Variants in SRCIN1 observed in about 807,000 individuals in gnomAD.
SRCIN1 encodes the protein P130Cas-associated protein.
SRCIN1 carries 50 observed loss-of-function variants against 116.2 expected under a neutral mutation model. The ratio of observed to expected loss-of-function variants is 0.43; its 90% CI spans 0.34 to 0.54. The LOEUF (loss-of-function observed/expected upper bound fraction) is 0.54. SRCIN1 is among the 20% of genes least tolerant of loss of function. The pLI is 0.02. For missense variants in SRCIN1, 1,446 were observed against 1,672.0 expected, an observed-to-expected ratio of 0.86 and a Z score of 2.36; for synonymous variants, 736 against 750.0, an observed-to-expected ratio of 0.98 and a Z score of 0.30.
chr17:38,580,950 T>C lies in SRCIN1; in HGVS notation c.23-2159A>G, dbSNP rs536942056. Among the ~76,000 whole-genome samples the C allele has an allele frequency of 7.2e-5, 11 of 152,264 alleles. No individual in the cohort carries two copies. In the South Asian group the frequency reaches 1.9e-3, roughly 26 times the overall value. Reference sequence around the variant, plus strand: ...TCCTGGGCTCAAGAGTTCCTCCCACTTCAGCCTCCCAAGTAGCTGGAATTA... The same window carrying C: ...TCCTGGGCTCAAGAGTTCCTCCCACCTCAGCCTCCCAAGTAGCTGGAATTA... On this transcript the variant is annotated intron_variant, in intron 1 of 18. Transcript: ENST00000617146.
In SRCIN1 at chr17:38,563,502, G is replaced by A. The variant is rs369349593; in HGVS notation, c.561C>T (p.Phe187=). Reference sequence around the variant, plus strand: ...TGTGCACGCGCCGAGTCTCCTCCCCGAACTGCAGGAACAGCACCCCTGCGA... The same window carrying A: ...TGTGCACGCGCCGAGTCTCCTCCCCAAACTGCAGGAACAGCACCCCTGCGA... ...LRSPGVLFLQ[F]GEETRRVHIT... Residue 187 remains phenylalanine, a synonymous_variant, in exon 5 of 19, where the codon TTC becomes TTT. Coordinates refer to ENST00000617146, the MANE Select transcript of SRCIN1 (RefSeq NM_025248.3). The surrounding 1 kb of genome is among the most constrained non-coding windows in gnomAD (Gnocchi z 5.8). 6.0e-5 allele frequency: 93 copies of A among 1,551,184 alleles called. No homozygotes were observed. Among genetic ancestry groups the A allele is most frequent in the Non-Finnish European group, 7.6e-5 (87 of 1,147,558 alleles).
rs1907128055 is a variant in SRCIN1, at chr17:38,572,284, G to A, written c.325-4053C>T. ...CTCCTCGGGCGCCTGCCCCCACCGC[G>A]ATGTACATGCATGACCCTCTCTTCC... On this transcript the variant is annotated intron_variant, in intron 2 of 18. Transcript: ENST00000617146. This position sits in a 1 kb window ranked among gnomAD's most constrained non-coding sequence, Gnocchi z 4.3. Among the ~76,000 whole-genome samples, 1 of 143,308 alleles carries A rather than the reference G, an allele frequency of 7.0e-6. No individual in the cohort carries two copies. Among genetic ancestry groups the A allele is most frequent in the African/African-American group, 2.6e-5 (1 of 38,578 alleles). The allele number at this position is 143,308 out of a possible 152,430, so 94.0% of individuals were successfully genotyped here. A position where few individuals can be genotyped will look rare whatever the true frequency, so the allele number is the denominator to read the frequency against.
At chr17:38,533,625 G>A (rs2144873929) in intron 18 of SRCIN1, among the ~76,000 whole-genome samples, 194 bp from the exon 19 acceptor site, 1 of 146,896 alleles carries the variant, frequency 6.8e-6, no homozygotes, top group Non-Finnish European at 1.5e-5. Flanking sequence ...AGGGGGGGGA[G>A]GGGGCACGAG....
chr17:38,600,740 C>CTAG (rs1348863604), intron 1 of SRCIN1, among the ~76,000 whole-genome samples: 1 of 152,240 alleles, frequency 6.6e-6, no homozygotes, highest in Non-Finnish European at 1.5e-5. Context: ...CCCATCCTAG[C>CTAG]TAGCCACAGG....
At position 38,605,783 on chromosome 17, in the gene SRCIN1, G is replaced by T. The variant is rs1170012837; in HGVS notation, c.-78C>A. 11 of 650,712 alleles carry T rather than the reference G, an allele frequency of 1.7e-5. No homozygotes were observed. The highest frequency in any genetic ancestry group is 2.1e-5 in the African/African-American group (1 of 48,218). The allele number at this position is 650,712 out of a possible 1,614,324, so 40.3% of individuals were successfully genotyped here. ...CCTCTCGCCGCCTCGCGGGCTCCTC[G>T]CTCGGCCCCAGCCCCGGGGCGCGGT... On this transcript the variant is annotated 5_prime_UTR_variant, in exon 1 of 19. Coordinates refer to ENST00000617146, the MANE Select transcript of SRCIN1 (RefSeq NM_025248.3).
Position 38,563,616 on chromosome 17 carries a change from G to A in SRCIN1, c.542-95C>T. 1 of 1,480,630 alleles carries A rather than the reference G, an allele frequency of 6.8e-7. No homozygotes were observed. The highest frequency in any genetic ancestry group is 9.1e-7 in the Non-Finnish European group (1 of 1,096,320). 91.7% of individuals were successfully genotyped at this position (1,480,630 alleles called of 1,614,324 possible). A position where few individuals can be genotyped will look rare whatever the true frequency, so the allele number is the denominator to read the frequency against. ...AGCTTTTCGGAGCTGCGCCAGCCCC[G>A]CAGCGGCAGGGTCTGAGGCTAGACG... On this transcript the variant is annotated intron_variant, in intron 4 of 18. Coordinates refer to ENST00000617146, the MANE Select transcript of SRCIN1 (RefSeq NM_025248.3). The surrounding 1 kb of genome is among the most constrained non-coding windows in gnomAD (Gnocchi z 5.8).
intron 18 of SRCIN1, among the ~76,000 whole-genome samples, chr17:38,539,173 G>A (rs1447021631): frequency 6.6e-6 from 1 of 152,204 alleles, no homozygotes; most frequent in East Asian, 1.9e-4. Context: ...GGATGCAGCT[G>A]TGACAACACA....
At chr17:38,548,272 C>T (rs557705256) in intron 17 of SRCIN1, among the ~76,000 whole-genome samples, 7 of 152,212 alleles carry the variant, frequency 4.6e-5, no homozygotes, top group South Asian at 2.1e-4. Flanking sequence ...TCAGAATCTT[C>T]GGATACGGGA....
chr17:38,586,332 C>T (rs529758601), intron 1 of SRCIN1, among the ~76,000 whole-genome samples: 9 of 152,208 alleles, frequency 5.9e-5, no homozygotes, highest in Middle Eastern at 3.4e-3. Context: ...TGGATGGGGG[C>T]GGGGGGAGAT....
intron 18 of SRCIN1, among the ~76,000 whole-genome samples, chr17:38,537,188 A>T (rs1045900795): frequency 5.3e-5 from 8 of 150,702 alleles, no homozygotes; most frequent in African/African-American, 2.0e-4. Context: ...TCAAAAAAAA[A>T]TTAAATAAAT....
chr17:38,534,489 T>A (rs985252330), intron 18 of SRCIN1, among the ~76,000 whole-genome samples: 9 of 152,180 alleles, frequency 5.9e-5, no homozygotes, highest in Non-Finnish European at 1.2e-4. Context: ...GCTTAGCTAC[T>A]AGTGTGAGAA....
At chr17:38,539,036 C>A (rs1904564960) in intron 18 of SRCIN1, among the ~76,000 whole-genome samples, 2 of 152,168 alleles carry the variant, frequency 1.3e-5, no homozygotes, top group Admixed American at 6.6e-5. Flanking sequence ...TCATTTTAAC[C>A]TTTCAGATTT....
chr17:38,591,814 G>T (rs2143409331), intron 1 of SRCIN1, among the ~76,000 whole-genome samples: 1 of 152,274 alleles, frequency 6.6e-6, no homozygotes, highest in South Asian at 2.1e-4. Flanking sequence ...CACTTAAGGG[G>T]TCTGGTCTGA....
At position 38,563,017 on chromosome 17, in the gene SRCIN1, G is replaced by C. The variant is rs1906384561; in HGVS notation, c.741-97C>G. The C allele has an allele frequency of 9.7e-7, 1 of 1,033,326 alleles. No individual in the cohort carries two copies. The highest frequency in any genetic ancestry group is 1.6e-5 in the African/African-American group (1 of 62,878). The allele number at this position is 1,033,326 out of a possible 1,614,324, so 64.0% of individuals were successfully genotyped here. A position where few individuals can be genotyped will look rare whatever the true frequency, so the allele number is the denominator to read the frequency against. ...CAGGCCTAGAGAAGAGGGGTGGCCA[G>C]AGGCACCGGGAGCCCCATCTCAGGC... On this transcript the variant is annotated intron_variant, in intron 5 of 18. Coordinates refer to ENST00000617146, the MANE Select transcript of SRCIN1 (RefSeq NM_025248.3). The surrounding 1 kb of genome is among the most constrained non-coding windows in gnomAD (Gnocchi z 5.8).
rs1197058183 is a variant in SRCIN1, at chr17:38,604,509, G to A, written c.22+1175C>T. On this transcript the variant is annotated intron_variant, in intron 1 of 18. Transcript: ENST00000617146. The surrounding 1 kb of genome is among the most constrained non-coding windows in gnomAD (Gnocchi z 4.3). ...TCCCCTCGGCCCCCAGGGTCCCTCG[G>A]TCCAGCCTCCTCCCTGGGAGAGCGG... The A allele has an allele frequency of 2.2e-6, 1 of 455,102 alleles. No homozygotes were observed. Among genetic ancestry groups the A allele is most frequent in the Non-Finnish European group, 4.4e-6 (1 of 226,294 alleles). 28.2% of individuals were successfully genotyped at this position (455,102 alleles called of 1,614,324 possible). A position where few individuals can be genotyped will look rare whatever the true frequency, so the allele number is the denominator to read the frequency against.
intron 1 of SRCIN1, among the ~76,000 whole-genome samples, chr17:38,580,122 A>G (rs1597922250): frequency 1.3e-5 from 2 of 152,146 alleles, no homozygotes; most frequent in Non-Finnish European, 2.9e-5. Flanking sequence ...ACGCGGCTGG[A>G]AACGCTGGAA....
Position 38,562,980 on chromosome 17 carries a change from G to C in SRCIN1, c.741-60C>G, listed in dbSNP as rs1906380466. On this transcript the variant is annotated intron_variant, in intron 5 of 18. Transcript: ENST00000617146. The surrounding 1 kb of genome is among the most constrained non-coding windows in gnomAD (Gnocchi z 4.2). ...TCCCCCAGCTGTGCACAATGAGAAG[G>C]GATGGCTACTCCAGGCCTAGAGAAG... is the stretch of plus-strand genomic sequence containing the variant. 2 of 1,385,028 alleles carry C rather than the reference G, an allele frequency of 1.4e-6. No individual in the cohort carries two copies. The highest frequency in any genetic ancestry group is 2.4e-5 in the East Asian group (1 of 42,464). The allele number at this position is 1,385,028 out of a possible 1,614,324, so 85.8% of individuals were successfully genotyped here.
Position 38,533,279 on chromosome 17 carries a change from C to T in SRCIN1, c.*18G>A. ...GAGTGAGGGAGGGGGACAGGCGGGGCAGCGGGGTGAGGGGCTTCTAGAAGG... is the reference window on the plus strand; with the variant it reads ...GAGTGAGGGAGGGGGACAGGCGGGGTAGCGGGGTGAGGGGCTTCTAGAAGG... On this transcript the variant is annotated 3_prime_UTR_variant, in exon 19 of 19. Coordinates refer to ENST00000617146, the MANE Select transcript of SRCIN1 (RefSeq NM_025248.3). The T allele has an allele frequency of 6.6e-7, 1 of 1,526,212 alleles. No homozygotes were observed. Among genetic ancestry groups the T allele is most frequent in the Non-Finnish European group, 8.8e-7 (1 of 1,130,494 alleles). 94.5% of individuals were successfully genotyped at this position (1,526,212 alleles called of 1,614,324 possible).
intron 1 of SRCIN1, among the ~76,000 whole-genome samples, chr17:38,583,583 C>G (rs1411550488): frequency 9.8e-6 from 1 of 101,652 alleles, no homozygotes; most frequent in Non-Finnish European, 1.8e-5. Flanking sequence ...GACAGAGTTT[C>G]ACTCTATGGC....
Sources: gnomAD v4.1 joint callset for allele counts (sites outside exome capture counted in the v4.1 genomes callset) on GRCh38, gnomAD v4.1.1 for gene constraint, Gnocchi (gnomAD v3.1) non-coding constraint, MANE v1.5 for transcripts, NCBI Gene and HGNC (gene_info 2026-07-23, HGNC 2026-07-21) for gene names.